ZNF215: variants seen among roughly 807,000 people sequenced by gnomAD.
The protein encoded by ZNF215 is zinc finger protein 215.
A neutral mutation model predicts 27.2 loss-of-function variants in ZNF215; 24 were observed. The ratio of observed to expected loss-of-function variants is 0.88; its 90% confidence interval spans 0.64 to 1.24. The LOEUF (loss-of-function observed/expected upper bound fraction) is 1.24, where lower values mean the gene tolerates loss of function less well. Ranked by LOEUF, ZNF215 falls within the 50% of genes most tolerant of loss-of-function variation. The probability of loss-of-function intolerance (pLI) is 0.00; values close to 1 mark genes in which losing one functional copy is unlikely to be tolerated. For missense variants in ZNF215, 675 were observed against 605.7 expected (o/e 1.11, Z -1.20); for synonymous variants, 210 against 204.0 (o/e 1.03, Z -0.25).
chr11:6,965,709 G>C (rs1171271874), intron 5 of ZNF215, among the ~76,000 whole-genome samples: 6 of 151,988 alleles, frequency 3.9e-5, no homozygotes, highest in African/African-American at 1.2e-4. Context: ...ATTTCCATTT[G>C]TTTATTCCAG....
rs1850341394 is a variant in ZNF215, at chr11:6,956,195, C to G, written c.1218C>G (p.Pro406=). The part of the protein sequence containing the change: ...RHQIIHTGEK[P]YKCSECGRFF... ...AGATCATTCACACAGGAGAGAAACC[C>G]TATAAATGCAGTGAATGTGGGAGAT... Residue 406 remains proline (P), a synonymous_variant, in exon 7 of 7, where the codon CCC becomes CCG. Coordinates refer to ENST00000278319, the MANE Select transcript of ZNF215 (RefSeq NM_013250.4). 6.2e-7 allele frequency: 1 copy of G among 1,613,096 alleles called. No homozygotes were observed. The highest frequency in any genetic ancestry group is 1.1e-5 in the South Asian group (1 of 90,816).
downstream of ZNF215, among the ~76,000 whole-genome samples, chr11:6,992,691 A>G (rs185689965): frequency 5.3e-5 from 8 of 152,344 alleles, no homozygotes; most frequent in African/African-American, 1.7e-4. Context: ...AGCTTCTACA[A>G]TGAACACATT....
intron 5 of ZNF215, among the ~76,000 whole-genome samples, chr11:6,967,424 A>G (rs1590081197): frequency 2.0e-5 from 3 of 152,234 alleles, no homozygotes; most frequent in Non-Finnish European, 4.4e-5. Context: ...TCCCACCAAC[A>G]GTGCAAAAGC....
At chr11:6,994,157 A>C (rs1851151285) in intron 6 of ZNF215, among the ~76,000 whole-genome samples, 1 of 148,562 alleles carries the variant, frequency 6.7e-6, no homozygotes, top group Admixed American at 6.9e-5. Context: ...TTCAGTATTA[A>C]CAAATCAATA....
chr11:6,967,838 G>C lies in ZNF215; in HGVS notation c.805+12056G>C, dbSNP rs557560006. On this transcript the variant is annotated intron_variant, in intron 5 of 5. Coordinates refer to the ZNF215 transcript ENST00000529903. ...TTGGCTTTTGTTGCCATTGCTTTTGGTGTTTTAGTCCTGAAGTCTTTGGCC... is the reference window on the plus strand; with the variant it reads ...TTGGCTTTTGTTGCCATTGCTTTTGCTGTTTTAGTCCTGAAGTCTTTGGCC... Among the ~76,000 whole-genome samples the C allele has an allele frequency of 1.7e-3, 255 of 152,234 alleles. 2 individuals are homozygous for C. Among genetic ancestry groups the C allele is most frequent in the African/African-American group, 6.0e-3 (249 of 41,538 alleles).
chr11:6,951,205 G>C (rs1590064961), intron 6 of ZNF215, among the ~76,000 whole-genome samples: 1 of 151,904 alleles, frequency 6.6e-6, no homozygotes, highest in Non-Finnish European at 1.5e-5. Context: ...TTTTTTTGTT[G>C]TGTCTCTGCC....
chr11:6,983,508 A>C (rs1029307295), intron 5 of ZNF215, among the ~76,000 whole-genome samples: 2 of 152,250 alleles, frequency 1.3e-5, no homozygotes, highest in African/African-American at 4.8e-5. Context: ...AAAAATCCTC[A>C]ATAAAATACT....
intron 3 of ZNF215, among the ~76,000 whole-genome samples, chr11:6,937,764 A>G (rs1278142120): frequency 2.0e-5 from 3 of 151,946 alleles, no homozygotes; most frequent in African/African-American, 7.2e-5. Flanking sequence ...ATAGTTTTTC[A>G]ACAAATATTG....
intron 5 of ZNF215, among the ~76,000 whole-genome samples, chr11:6,975,773 C>G (rs1413737034): frequency 1.3e-5 from 2 of 152,068 alleles, no homozygotes; most frequent in South Asian, 4.1e-4. Context: ...AGGCTGATTC[C>G]AAATCTTAGC....
chr11:6,984,125 TC>T, intron 5 of ZNF215: 1 of 416,736 alleles, frequency 2.4e-6, no homozygotes. Context: ...TTTTTTTTTT[TC>T]AGATGGAGTT....
chr11:6,978,164 T>C (rs530215851), intron 5 of ZNF215, among the ~76,000 whole-genome samples: 10 of 152,130 alleles, frequency 6.6e-5, no homozygotes, highest in African/African-American at 2.4e-4. Flanking sequence ...TGAACCCAAG[T>C]GTTCATCAGT....
At chr11:6,989,708 G>A (rs1425896545), downstream of ZNF215, among the ~76,000 whole-genome samples, 1 of 152,140 alleles carries the variant, frequency 6.6e-6, no homozygotes, top group Non-Finnish European at 1.5e-5. Flanking sequence ...GTGACCAGCT[G>A]ACAGAGGAAG....
chr11:6,944,016 C>G (rs894901630), intron 6 of ZNF215, among the ~76,000 whole-genome samples: 2 of 152,172 alleles, frequency 1.3e-5, no homozygotes, highest in Non-Finnish European at 2.9e-5. Context: ...TGGCTCACGC[C>G]TGTAATCCCA....
chr11:6,994,290 A>T (rs1344672565), intron 6 of ZNF215, among the ~76,000 whole-genome samples: 2 of 152,068 alleles, frequency 1.3e-5, no homozygotes, highest in African/African-American at 2.4e-5. Context: ...TAAGAAGCTC[A>T]TAGGAATCTT....
chr11:6,977,228 A>G (rs1347014537), intron 5 of ZNF215, among the ~76,000 whole-genome samples: 1 of 151,958 alleles, frequency 6.6e-6, no homozygotes, highest in Non-Finnish European at 1.5e-5. Context: ...CAGAAATCAT[A>G]AGTTTTAAAT....
intron 6 of ZNF215, among the ~76,000 whole-genome samples, chr11:6,952,380 T>A (rs961022920): frequency 6.6e-6 from 1 of 152,208 alleles, no homozygotes; most frequent in Non-Finnish European, 1.5e-5. Flanking sequence ...AGTCTCTTTG[T>A]AGGTCACTCA....
In ZNF215 at chr11:6,956,443, C is replaced by G. The variant is rs1850360903; in HGVS notation, c.1466C>G (p.Pro489Arg). 1 of 1,614,068 alleles carries G rather than the reference C, an allele frequency of 6.2e-7. No homozygotes were observed. The highest frequency in any genetic ancestry group is 8.5e-7 in the Non-Finnish European group (1 of 1,180,004). ...CAAATGATTCACACGGGAGAGAAAC[C>G]ATTCAAATGTAAGGAATGTAGTAAA... The part of the protein sequence containing the change: ...RHQMIHTGEK[P>R]FKCKECSKAF... The change falls in exon 7 of 7, where the codon CCA (proline) becomes CGA (arginine). Residue 489 changes from proline to arginine, a missense_variant. Pro to Arg is a moderately radical substitution (Grantham distance 103). Coordinates refer to ENST00000278319, the MANE Select transcript of ZNF215 (RefSeq NM_013250.4).
intron 6 of ZNF215, among the ~76,000 whole-genome samples, chr11:6,945,860 A>G (rs1447676918): frequency 6.6e-6 from 1 of 152,168 alleles, no homozygotes; most frequent in Non-Finnish European, 1.5e-5. Flanking sequence ...GGATTTACAG[A>G]TGTATATCCT....
chr11:6,975,320 C>A lies in ZNF215; in HGVS notation c.806-8809C>A, dbSNP rs562080892. ...CATGAGATATTTTGATAGAGGCATG[C>A]AATGTAAAATCACATCATGGAGAGT... On this transcript the variant is annotated intron_variant, in intron 5 of 5. Transcript: ENST00000529903. Among the ~76,000 whole-genome samples, 418 of 152,032 alleles carry A rather than the reference C, an allele frequency of 2.7e-3. 1 individual carries two copies. Among genetic ancestry groups the A allele is most frequent in the African/African-American group, 9.7e-3 (402 of 41,506 alleles).
Sources: gnomAD v4.1 joint callset for allele counts (sites outside exome capture counted in the v4.1 genomes callset) on GRCh38, gnomAD v4.1.1 for gene constraint, MANE v1.5 for transcripts, NCBI Gene and HGNC (gene_info 2026-07-23, HGNC 2026-07-21) for gene names.